The following MAP3K5 variants were observed in gnomAD, a reference collection of about 807,000 sequenced individuals.
MAP3K5 encodes mitogen-activated protein kinase kinase kinase 5.
A neutral mutation model predicts 158.7 loss-of-function variants in MAP3K5; 56 were observed. The observed-to-expected ratio is 0.35, with a 90% CI of 0.28 to 0.44. MAP3K5 has a LOEUF of 0.44. Ranked by LOEUF, MAP3K5 falls within the 20% of genes least tolerant of loss-of-function variation. The pLI, the probability that MAP3K5 is intolerant of heterozygous loss-of-function variation, is 1.00. For missense variants in MAP3K5, 1,294 were observed against 1,674.8 expected, an observed-to-expected ratio of 0.77 and a Z score of 3.97; for synonymous variants, 579 against 601.7, an observed-to-expected ratio of 0.96 and a Z score of 0.55.
chr6:136,613,217 A>G lies in MAP3K5; in HGVS notation c.2318T>C (p.Leu773Ser). 1 of 1,613,584 alleles carries G rather than the reference A, an allele frequency of 6.2e-7. No homozygotes were observed. The highest frequency in any genetic ancestry group is 8.5e-7 in the Non-Finnish European group (1 of 1,179,752). The change falls in exon 17 of 30, where the codon TTA (leucine) becomes TCA (serine). Residue 773 changes from leucine (L) to serine (S), a missense_variant. By Grantham distance (145) the Leu-to-Ser change is moderately radical. Around this residue, in one of 5 missense-constraint regions of MAP3K5, gnomAD observed 41 missense variants for 98.2 expected, o/e 0.42. Transcript: ENST00000359015. This position sits in a 1 kb window ranked among gnomAD's most constrained non-coding sequence, Gnocchi z 4.0. Reference protein sequence around the residue: ...SALLRSKWGPLKDNEQTIGFY... With the variant: ...SALLRSKWGPSKDNEQTIGFY... ...GCCAATTGTTTGCTCATTGTCTTTT[A>G]ATGGACCCCATTTGGAACGAAGGAG... is the stretch of plus-strand genomic sequence containing the variant.
intron 15 of MAP3K5, among the ~76,000 whole-genome samples, chr6:136,617,972 T>C (rs1417875150): frequency 1.3e-5 from 2 of 152,070 alleles, no homozygotes; most frequent in African/African-American, 2.4e-5. Flanking sequence ...TCAGGATATG[T>C]AGAATATCAG....
At position 136,605,353 on chromosome 6, in the gene MAP3K5, A is replaced by G. The variant is rs781105692; in HGVS notation, c.2535T>C (p.Tyr845=). 2 of 1,611,940 alleles carry G rather than the reference A, an allele frequency of 1.2e-6. No homozygotes were observed. The highest frequency in any genetic ancestry group is 1.1e-5 in the South Asian group (1 of 90,386). ...CTTTATCTATTATTTCTGGTGCCAT[A>G]TACTGGAGGGTACCTGGAAACAATT... The part of the protein sequence containing the change: ...CTETFTGTLQ[Y]MAPEIIDKGP... The change falls in exon 19 of 30, where the codon TAT becomes TAC. Residue 845 remains tyrosine (Y), a synonymous_variant. Transcript: ENST00000359015.
chr6:136,751,346 G>A (rs1783199970), intron 1 of MAP3K5, among the ~76,000 whole-genome samples: 2 of 152,208 alleles, frequency 1.3e-5, no homozygotes, highest in Non-Finnish European at 2.9e-5. Context: ...GGGAATTTGT[G>A]AGAGTTAGAA....
At chr6:136,639,921 T>C (rs544688951) in intron 12 of MAP3K5, among the ~76,000 whole-genome samples, 1 of 152,284 alleles carries the variant, frequency 6.6e-6, no homozygotes, top group East Asian at 1.9e-4. Context: ...CAGGGAAAGG[T>C]GTCCTGCCTA....
chr6:136,600,237 C>T (rs975871191), intron 21 of MAP3K5, among the ~76,000 whole-genome samples: 1 of 146,568 alleles, frequency 6.8e-6, no homozygotes, highest in Non-Finnish European at 1.5e-5. Flanking sequence ...GTCACCCAGG[C>T]TGGAGTGCAG....
intron 25 of MAP3K5, among the ~76,000 whole-genome samples, chr6:136,578,589 C>T (rs530006672): frequency 3.0e-4 from 45 of 151,984 alleles, no homozygotes; most frequent in African/African-American, 1.1e-3. Context: ...TCCAGACTCT[C>T]GGTGGCCTGA....
At chr6:136,642,036 AAAATAAAAT>A (rs1480243239) in intron 12 of MAP3K5, among the ~76,000 whole-genome samples, 6,494 of 115,370 alleles carry the variant, frequency 0.056, 152 homozygotes, top group Middle Eastern at 0.069. Context: ...AAATAAAAAT[AAAATAAAAT>A]AAAATAAAAT....
At chr6:136,737,029 A>ATGTGTGTATATATATATATATATATATG (rs1782493327) in intron 1 of MAP3K5, among the ~76,000 whole-genome samples, 15 of 120,592 alleles carry the variant, frequency 1.2e-4, no homozygotes, top group African/African-American at 3.5e-4. Context: ...ACATATATAT[A>ATGTGTGTATATATATATATATATATATG]TGTGTGTGTA....
chr6:136,698,750 G>A (rs1780719325), intron 3 of MAP3K5, 68 bp from the exon 4 acceptor site: 14 of 1,045,978 alleles, frequency 1.3e-5, no homozygotes, highest in Non-Finnish European at 1.6e-5. Context: ...GGAATCCCAC[G>A]TCTTACTCAT....
intron 7 of MAP3K5, among the ~76,000 whole-genome samples, chr6:136,686,824 A>G (rs1253969452): frequency 6.6e-6 from 1 of 152,202 alleles, no homozygotes; most frequent in Admixed American, 6.5e-5. Context: ...GGAAGGATCA[A>G]TATCATGAAA....
chr6:136,605,329 T>C lies in MAP3K5; in HGVS notation c.2559A>G (p.Lys853=). 6.2e-7 allele frequency: 1 copy of C among 1,613,892 alleles called. No individual in the cohort carries two copies. The highest frequency in any genetic ancestry group is 8.5e-7 in the Non-Finnish European group (1 of 1,179,878). The change falls in exon 19 of 30, where the codon AAA becomes AAG. Residue 853 remains lysine (K), a synonymous_variant. Transcript: ENST00000359015. ...CTGCTTTTCCGTAGCCTCTTGGTCC[T>C]TTATCTATTATTTCTGGTGCCATAT... ...LQYMAPEIID[K]GPRGYGKAAD...
At chr6:136,670,282 T>C (rs969314105) in intron 7 of MAP3K5, among the ~76,000 whole-genome samples, 7 of 152,102 alleles carry the variant, frequency 4.6e-5, no homozygotes, top group Non-Finnish European at 1.0e-4. Flanking sequence ...TTTCCTCACA[T>C]GCATCATTAA....
intron 1 of MAP3K5, among the ~76,000 whole-genome samples, chr6:136,779,523 T>TA (rs1327346023): frequency 6.6e-6 from 1 of 151,928 alleles, no homozygotes; most frequent in Non-Finnish European, 1.5e-5. Flanking sequence ...TAGTACACAG[T>TA]AATGCATGCT....
intron 18 of MAP3K5, among the ~76,000 whole-genome samples, chr6:136,606,282 C>T (rs1776096272): frequency 6.6e-6 from 1 of 151,988 alleles, no homozygotes; most frequent in African/African-American, 2.4e-5. Context: ...ACCCAGGAGG[C>T]GGAGGTTGCA....
At chr6:136,606,440 A>G (rs1047613877) in intron 18 of MAP3K5, among the ~76,000 whole-genome samples, 1 of 152,190 alleles carries the variant, frequency 6.6e-6, no homozygotes, top group Non-Finnish European at 1.5e-5. Flanking sequence ...GTGGTATAAT[A>G]GAAAGAATTA....
chr6:136,639,801 C>T (rs1335133176), intron 12 of MAP3K5, among the ~76,000 whole-genome samples, 163 bp from the exon 13 acceptor site: 1 of 152,196 alleles, frequency 6.6e-6, no homozygotes, highest in African/African-American at 2.4e-5. Context: ...CTGCACCACA[C>T]TACTAAAATG....
chr6:136,690,002 T>C (rs976703035), intron 7 of MAP3K5, among the ~76,000 whole-genome samples: 3 of 152,162 alleles, frequency 2.0e-5, no homozygotes, highest in Admixed American at 6.5e-5. Flanking sequence ...AGGACTATTT[T>C]GGGAATGTGA....
chr6:136,750,885 G>A (rs1439197399), intron 1 of MAP3K5, among the ~76,000 whole-genome samples: 5 of 152,034 alleles, frequency 3.3e-5, no homozygotes, highest in Admixed American at 6.5e-5. Flanking sequence ...TTAGTATTTC[G>A]GGATGTCAAA....
chr6:136,705,898 C>G (rs1344899680), intron 2 of MAP3K5, among the ~76,000 whole-genome samples: 1 of 152,182 alleles, frequency 6.6e-6, no homozygotes, highest in African/African-American at 2.4e-5. Flanking sequence ...GGCAAATCCA[C>G]ACACAGATAA....
Sources: allele counts gnomAD v4.1 joint callset (sites outside exome capture counted in the v4.1 genomes callset), GRCh38; gene constraint gnomAD v4.1.1; regional missense constraint gnomAD v4.1.1; non-coding constraint Gnocchi (gnomAD v3.1); transcripts MANE v1.5; gene names NCBI Gene and HGNC (gene_info 2026-07-23, HGNC 2026-07-21).